Variants in GALNT8 observed in about 807,000 individuals in gnomAD.
The protein encoded by GALNT8 is polypeptide N-acetylgalactosaminyltransferase 8.
Under a neutral mutation model 62.7 loss-of-function variants are expected in GALNT8, and 66 were observed. The ratio of observed to expected loss-of-function variants is 1.05; its 90% CI spans 0.86 to 1.29. GALNT8 has a LOEUF of 1.29. GALNT8 is among the 50% of genes most tolerant of loss of function. The pLI, the probability that GALNT8 is intolerant of heterozygous loss-of-function variation, is 0.00. For synonymous variants in GALNT8, 288 were observed against 294.3 expected, an observed-to-expected ratio of 0.98 and a Z score of 0.22; for missense variants, 771 against 791.8, an observed-to-expected ratio of 0.97 and a Z score of 0.32.
intron 6 of GALNT8, among the ~76,000 whole-genome samples, chr12:4,753,053 GC>G: frequency 6.6e-6 from 1 of 152,154 alleles, no homozygotes; most frequent in Non-Finnish European, 1.5e-5. Flanking sequence ...AAGTATGGGA[GC>G]TGCATTGTAC....
At chr12:4,733,513 G>A (rs572993023) in intron 2 of GALNT8, among the ~76,000 whole-genome samples, 8 of 152,200 alleles carry the variant, frequency 5.3e-5, no homozygotes, top group Non-Finnish European at 1.2e-4. Flanking sequence ...TGAAGTCACT[G>A]ATGTGATTAT....
chr12:4,765,460 G>C lies in GALNT8; in HGVS notation c.1675G>C (p.Asp559His). 6.2e-7 allele frequency: 1 copy of C among 1,610,332 alleles called. No individual in the cohort carries two copies. Among genetic ancestry groups the C allele is most frequent in the Non-Finnish European group, 8.5e-7 (1 of 1,179,126 alleles). ...EASASDRCLT[D>H]PGKAEKPTLE... ...CAGTGCTAGTGATCGCTGCCTGACA[G>C]ACCCTGGCAAGGCGGAGAAGCCCAC... Residue 559 changes from aspartate to histidine, a missense_variant, in exon 10 of 11, where the codon GAC becomes CAC. Transcript: ENST00000252318.
At chr12:4,770,306 G>GAAAAAAA (rs1251278189) in intron 10 of GALNT8, among the ~76,000 whole-genome samples, 4 of 99,948 alleles carry the variant, frequency 4.0e-5, no homozygotes, top group African/African-American at 3.8e-5. Flanking sequence ...TGTCTCAAAA[G>GAAAAAAA]AAAAAAAAAA....
chr12:4,766,262 G>A (rs1006683748), intron 10 of GALNT8, among the ~76,000 whole-genome samples: 5 of 152,196 alleles, frequency 3.3e-5, no homozygotes, highest in African/African-American at 1.2e-4. Context: ...GTAGCTGAAC[G>A]GTTGAGAGTT....
At position 4,772,692 on chromosome 12, in the gene GALNT8, G is replaced by A; in HGVS notation, c.*95G>A. 1 of 987,156 alleles carries A rather than the reference G, an allele frequency of 1.0e-6. No homozygotes were observed. The highest frequency in any genetic ancestry group is 1.5e-6 in the Non-Finnish European group (1 of 649,702). The allele number at this position is 987,156 out of a possible 1,614,324, so 61.1% of individuals were successfully genotyped here. On this transcript the variant is annotated 3_prime_UTR_variant, in exon 11 of 11. Transcript: ENST00000252318. ...AGCTTCTTTCTCAATGAGAAAGAAA[G>A]CATGTGTATGTCTGTTTATGGCGAC...
chr12:4,730,115 TTC>T (rs1482969072), intron 2 of GALNT8, among the ~76,000 whole-genome samples: 5 of 152,288 alleles, frequency 3.3e-5, no homozygotes, highest in African/African-American at 9.6e-5. Flanking sequence ...GGATATTAAC[TTC>T]TTATTAAATA....
chr12:4,720,653 G>A lies in GALNT8; in HGVS notation c.-25G>A, dbSNP rs769912811. ...AGCAGTGACACACTCAGTCCCACAG[G>A]GAGTGGACGACCCCCAGGAAGAAGA... On this transcript the variant is annotated 5_prime_UTR_variant, in exon 1 of 11. Coordinates refer to ENST00000252318, the MANE Select transcript of GALNT8 (RefSeq NM_017417.2). 5 of 1,443,234 alleles carry A rather than the reference G, an allele frequency of 3.5e-6. No homozygotes were observed. The South Asian group carries it at 5.7e-5, about 16-fold the overall frequency. The allele number at this position is 1,443,234 out of a possible 1,614,324, so 89.4% of individuals were successfully genotyped here.
At chr12:4,723,873 G>A (rs981466205) in intron 1 of GALNT8, among the ~76,000 whole-genome samples, 10 of 151,556 alleles carry the variant, frequency 6.6e-5, no homozygotes, top group Non-Finnish European at 1.3e-4. Context: ...GAAGTCGGCC[G>A]GGCGCGGTGG....
At chr12:4,766,039 G>A (rs1946398564) in intron 10 of GALNT8, among the ~76,000 whole-genome samples, 1 of 152,190 alleles carries the variant, frequency 6.6e-6, no homozygotes. Context: ...CCAAAGCGCT[G>A]GGATTACAGG....
chr12:4,720,978 TGA>T, intron 1 of GALNT8, 90 bp downstream of exon 1: 2 of 770,954 alleles, frequency 2.6e-6, no homozygotes, highest in Non-Finnish European at 4.6e-6. Context: ...GAAAAATGGG[TGA>T]GAGGTCACAT....
intron 6 of GALNT8, 23 bp downstream of exon 6, chr12:4,746,281 T>TTTTGTGTTTTACTGTTTTGTGC: frequency 7.8e-7 from 1 of 1,275,500 alleles, no homozygotes; most frequent in Non-Finnish European, 1.1e-6. Context: ...CCCTTTTCTT[T>TTTTGTGTTTTACTGTTTTGTGC]ATGGGACAAA....
chr12:4,761,166 A>G, intron 7 of GALNT8, 23 bp downstream of exon 7: 1 of 1,596,050 alleles, frequency 6.3e-7, no homozygotes, highest in Non-Finnish European at 8.6e-7. Flanking sequence ...ATTGAACAGC[A>G]GCACGGAAGA....
In GALNT8 at chr12:4,726,803, C is replaced by T. The variant is rs141657337; in HGVS notation, c.483C>T (p.Arg161=). ...TCAGCAACCAGCTGCCTCTCAATCG[C>T]ACCATCCCCGACACGCGAGACTACA... ...AYLSNQLPLN[R]TIPDTRDYRC... is the part of the protein sequence containing the mutation. Residue 161 remains arginine, a synonymous_variant, in exon 2 of 11, where the codon CGC becomes CGT. Coordinates refer to ENST00000252318, the MANE Select transcript of GALNT8 (RefSeq NM_017417.2). The surrounding 1 kb of genome is among the most constrained non-coding windows in gnomAD (Gnocchi z 4.1). The T allele has an allele frequency of 6.7e-4, 1,075 of 1,613,678 alleles. 3 individuals are homozygous for T. The highest frequency in any genetic ancestry group is 1.2e-3 in the South Asian group (109 of 91,020).
chr12:4,746,732 A>G (rs1946301727), intron 6 of GALNT8, among the ~76,000 whole-genome samples: 1 of 152,166 alleles, frequency 6.6e-6, no homozygotes, highest in South Asian at 2.1e-4. Context: ...AATCTAAGAC[A>G]AATAGCCAGG....
At chr12:4,735,608 G>C (rs1000625540) in intron 2 of GALNT8, among the ~76,000 whole-genome samples, 1 of 152,172 alleles carries the variant, frequency 6.6e-6, no homozygotes, top group Non-Finnish European at 1.5e-5. Flanking sequence ...TCTACTCATA[G>C]GGTGAAATTT....
In GALNT8 at chr12:4,726,511, C is replaced by T. The variant is rs1425514976; in HGVS notation, c.212-21C>T. On this transcript the variant is annotated intron_variant, in intron 1 of 10. Transcript: ENST00000252318. The surrounding 1 kb of genome is among the most constrained non-coding windows in gnomAD (Gnocchi z 4.1). ...GGGGCTGAAATGTTTTCTCTCCCAC[C>T]CCTGTCCTCTTCATTTGCAGAAGAA... is the stretch of plus-strand genomic sequence containing the variant. The T allele has an allele frequency of 6.3e-7, 1 of 1,589,990 alleles. No homozygotes were observed. The highest frequency in any genetic ancestry group is 8.6e-7 in the Non-Finnish European group (1 of 1,162,950).
intron 1 of GALNT8, among the ~76,000 whole-genome samples, chr12:4,725,124 A>G (rs923967076): frequency 2.6e-5 from 4 of 152,262 alleles, no homozygotes; most frequent in African/African-American, 7.2e-5. Context: ...GAAACAAAGT[A>G]GATCCTATGT....
chr12:4,769,131 C>A (rs1946412203), intron 10 of GALNT8, among the ~76,000 whole-genome samples: 1 of 152,134 alleles, frequency 6.6e-6, no homozygotes, highest in Non-Finnish European at 1.5e-5. Flanking sequence ...TGGAGAAGGT[C>A]ATCCATCTTC....
chr12:4,772,352 T>A (rs1946428578), intron 10 of GALNT8, 93 bp from the exon 11 acceptor site: 2 of 1,130,182 alleles, frequency 1.8e-6, no homozygotes, highest in Non-Finnish European at 2.6e-6. Flanking sequence ...CCCTCAAGAA[T>A]GTGGCTGAGC....
Sources: allele counts gnomAD v4.1 joint callset (sites outside exome capture counted in the v4.1 genomes callset), GRCh38; gene constraint gnomAD v4.1.1; non-coding constraint Gnocchi (gnomAD v3.1); transcripts MANE v1.5; gene names NCBI Gene and HGNC (gene_info 2026-07-23, HGNC 2026-07-21).